The following MRPS27 variants were observed in gnomAD, a reference collection of about 807,000 sequenced individuals.
MRPS27 encodes small ribosomal subunit protein mS27.
Under a neutral mutation model 48.9 loss-of-function variants are expected in MRPS27, and 43 were observed. The ratio of observed to expected loss-of-function variants is 0.88; its 90% confidence interval spans 0.69 to 1.13. The LOEUF (loss-of-function observed/expected upper bound fraction) is 1.13, where lower values mean the gene tolerates loss of function less well. Among genes scored for constraint, MRPS27 ranks in the 50% most tolerant of loss-of-function variants. The pLI, the probability that MRPS27 is intolerant of heterozygous loss-of-function variation, is 0.00. For missense variants in MRPS27, 467 were observed against 476.3 expected (o/e 0.98, Z 0.18); for synonymous variants, 188 against 171.9 (o/e 1.09, Z -0.73).
chr5:72,266,756 A>G (rs1188237875), intron 4 of MRPS27, among the ~76,000 whole-genome samples: 1 of 152,078 alleles, frequency 6.6e-6, no homozygotes, highest in East Asian at 1.9e-4. Flanking sequence ...GCTACTCGGG[A>G]GGCTGAGGCA....
chr5:72,299,395 G>C (rs1041224755), intron 2 of MRPS27, among the ~76,000 whole-genome samples: 1 of 151,980 alleles, frequency 6.6e-6, no homozygotes, highest in African/African-American at 2.4e-5. Context: ...ACACAAGCAA[G>C]TGTATTTCCT....
At chr5:72,240,028 T>C (rs980767432) in intron 4 of MRPS27, among the ~76,000 whole-genome samples, 10 of 152,224 alleles carry the variant, frequency 6.6e-5, no homozygotes, top group Non-Finnish European at 1.3e-4. Flanking sequence ...GCTTCAACGA[T>C]GGTGATGCTT....
chr5:72,239,203 A>T (rs946611516), intron 4 of MRPS27, among the ~76,000 whole-genome samples: 1 of 152,176 alleles, frequency 6.6e-6, no homozygotes, highest in South Asian at 2.1e-4. Flanking sequence ...ACAGATGAAT[A>T]CTAGTGGCTT....
In MRPS27 at chr5:72,306,803, C is replaced by A. The variant is rs182362514; in HGVS notation, c.151+7278G>T. Among the ~76,000 whole-genome samples the A allele has an allele frequency of 3.8e-3, 575 of 152,110 alleles. 1 individual carries two copies. The highest frequency in any genetic ancestry group is 0.013 in the African/African-American group (548 of 41,520). On this transcript the variant is annotated intron_variant, in intron 2 of 10. Coordinates refer to ENST00000261413, the MANE Select transcript of MRPS27 (RefSeq NM_015084.3). ...ACATATCAAAGTACATATAAAAAAA[C>A]CCCGATAATTAAGTTTGTTAAAAAG... is the stretch of plus-strand genomic sequence containing the variant.
At chr5:72,237,896 A>T in intron 5 of MRPS27, 118 bp downstream of exon 5, 1 of 662,992 alleles carries the variant, frequency 1.5e-6, no homozygotes, top group Non-Finnish European at 2.6e-6. Context: ...AGAATATTTG[A>T]GGCCAAATAA....
intron 4 of MRPS27, among the ~76,000 whole-genome samples, chr5:72,283,712 A>C (rs1213691919): frequency 6.6e-6 from 1 of 152,218 alleles, no homozygotes; most frequent in African/African-American, 2.4e-5. Flanking sequence ...CAGCAAGCTT[A>C]GAAAGAAATG....
chr5:72,308,618 G>A (rs181272722), intron 2 of MRPS27, among the ~76,000 whole-genome samples: 21 of 152,360 alleles, frequency 1.4e-4, no homozygotes, highest in African/African-American at 4.8e-4. Flanking sequence ...CAGAGCTGGA[G>A]CCACGGGCGC....
chr5:72,299,153 A>G (rs147315406), intron 2 of MRPS27, among the ~76,000 whole-genome samples: 12 of 152,122 alleles, frequency 7.9e-5, no homozygotes, highest in African/African-American at 2.9e-4. Flanking sequence ...AGGGCTGACA[A>G]ACTACCTATG....
At chr5:72,266,642 G>A (rs1383283164) in intron 4 of MRPS27, among the ~76,000 whole-genome samples, 7 of 152,278 alleles carry the variant, frequency 4.6e-5, no homozygotes, top group East Asian at 1.9e-4. Context: ...GGCAGATCAC[G>A]AGGTCAGGAG....
At chr5:72,257,467 T>A (rs2111993250) in intron 4 of MRPS27, among the ~76,000 whole-genome samples, 1 of 152,366 alleles carries the variant, frequency 6.6e-6, no homozygotes, top group Non-Finnish European at 1.5e-5. Context: ...CTATGGCTGC[T>A]ACGTTCATCC....
rs1484852619 is a variant in MRPS27 at position 72,310,464 on chromosome 5, A to G, written c.151+3617T>C. Among the ~76,000 whole-genome samples the G allele has an allele frequency of 7.9e-5, 12 of 152,238 alleles. No homozygotes were observed. The East Asian group carries it at 2.3e-3, about 29-fold the overall frequency. The stretch of plus-strand genomic sequence containing the variant: ...GGCTTCTATCAGCCAAGTCTGGGAT[A>G]TTTAGACCACCAAAATAATTGAGAA... On this transcript the variant is annotated intron_variant, in intron 2 of 10. Coordinates refer to ENST00000261413, the MANE Select transcript of MRPS27 (RefSeq NM_015084.3).
At chr5:72,234,080 G>A (rs1395265564) in intron 6 of MRPS27, 39 bp downstream of exon 6, 2 of 1,449,484 alleles carry the variant, frequency 1.4e-6, no homozygotes, top group Non-Finnish European at 1.8e-6. Flanking sequence ...TTGGGAGCTG[G>A]AAGCCCTATA....
Position 72,220,789 on chromosome 5 carries a change from C to A in MRPS27, c.*120G>T. The A allele has an allele frequency of 2.1e-6, 3 of 1,418,298 alleles. No homozygotes were observed. The highest frequency in any genetic ancestry group is 1.9e-6 in the Non-Finnish European group (2 of 1,042,508). The allele number at this position is 1,418,298 out of a possible 1,614,324, so 87.9% of individuals were successfully genotyped here. Reference sequence around the variant, plus strand: ...GTGCCTTGCCATGTAGGGCACATAGCCTGCTTTAAGAAAAGAAGATGGGTA... The same window carrying A: ...GTGCCTTGCCATGTAGGGCACATAGACTGCTTTAAGAAAAGAAGATGGGTA... On this transcript the variant is annotated 3_prime_UTR_variant, in exon 11 of 11. Transcript: ENST00000261413.
At chr5:72,224,286 G>C (rs1747836060) in intron 9 of MRPS27, among the ~76,000 whole-genome samples, 1 of 152,128 alleles carries the variant, frequency 6.6e-6, no homozygotes, top group African/African-American at 2.4e-5. Context: ...TTGAGCCTGG[G>C]AGGTGGAGGC....
At chr5:72,252,929 T>C (rs1221985999) in intron 4 of MRPS27, among the ~76,000 whole-genome samples, 2 of 152,262 alleles carry the variant, frequency 1.3e-5, no homozygotes, top group South Asian at 2.1e-4. Flanking sequence ...ATAAGCCTTG[T>C]ATACCCAAGT....
chr5:72,316,229 T>C (rs1750560164), intron 1 of MRPS27, among the ~76,000 whole-genome samples: 1 of 152,198 alleles, frequency 6.6e-6, no homozygotes, highest in African/African-American at 2.4e-5. Context: ...TCAGGAAAGC[T>C]AGAGGAGAAA....
intron 4 of MRPS27, among the ~76,000 whole-genome samples, chr5:72,256,738 TCAAAA>T (rs1748819385): frequency 6.6e-6 from 1 of 152,230 alleles, no homozygotes; most frequent in Non-Finnish European, 1.5e-5. Context: ...TAAGTGATCC[TCAAAA>T]CAAAACAATA....
At chr5:72,272,072 C>G (rs895455775) in intron 4 of MRPS27, among the ~76,000 whole-genome samples, 1 of 152,044 alleles carries the variant, frequency 6.6e-6, no homozygotes, top group African/African-American at 2.4e-5. Context: ...CAATGAAACA[C>G]TGGGATTCCC....
rs115421375 is a variant in MRPS27, at chr5:72,314,474, C to T, written c.74-316G>A. 2.0e-3 allele frequency: 377 copies of T among 191,782 alleles called. 1 individual carries two copies. The highest frequency in any genetic ancestry group is 8.4e-3 in the African/African-American group (362 of 42,912). 11.9% of individuals were successfully genotyped at this position (191,782 alleles called of 1,614,324 possible). ...GGCACAATCCCACTACTGATCGGCA[C>T]AGGAATTTTGATGTGCTCAGTTTCC... On this transcript the variant is annotated intron_variant, in intron 1 of 10. Coordinates refer to ENST00000261413, the MANE Select transcript of MRPS27 (RefSeq NM_015084.3).
Sources: allele counts gnomAD v4.1 joint callset (sites outside exome capture counted in the v4.1 genomes callset), GRCh38; gene constraint gnomAD v4.1.1; transcripts MANE v1.5; gene names NCBI Gene and HGNC (gene_info 2026-07-23, HGNC 2026-07-21).